The following DOCK3 variants were observed in gnomAD, a reference collection of about 807,000 sequenced individuals.
DOCK3 encodes the protein dedicator of cytokinesis protein 3.
Under a neutral mutation model 265.6 loss-of-function variants are expected in DOCK3, and 60 were observed. The ratio of observed to expected loss-of-function variants is 0.23; its 90% confidence interval spans 0.18 to 0.28. The LOEUF is 0.28. Ranked by LOEUF, DOCK3 falls within the 10% of genes least tolerant of loss-of-function variation. DOCK3 has a pLI of 1.00. For missense variants in DOCK3, 1,981 were observed against 2,594.3 expected, an observed-to-expected ratio of 0.76 and a Z score of 5.14; for synonymous variants, 881 against 938.0, an observed-to-expected ratio of 0.94 and a Z score of 1.11.
At chr3:51,032,650 A>G (rs2080098571) in intron 5 of DOCK3, among the ~76,000 whole-genome samples, 1 of 152,150 alleles carries the variant, frequency 6.6e-6, no homozygotes, top group African/African-American at 2.4e-5. Flanking sequence ...GCTAACATCT[A>G]TAATCACAGC....
chr3:50,839,322 T>C (rs552792800), intron 2 of DOCK3, among the ~76,000 whole-genome samples: 2 of 152,282 alleles, frequency 1.3e-5, no homozygotes, highest in South Asian at 4.1e-4. Flanking sequence ...TTTGTGTGGA[T>C]GTAAGTTTTC....
chr3:51,087,423 T>C (rs534396825), intron 7 of DOCK3, among the ~76,000 whole-genome samples: 1 of 152,294 alleles, frequency 6.6e-6, no homozygotes, highest in East Asian at 1.9e-4. Flanking sequence ...AAGCATTTGA[T>C]AAAATTTAAC....
chr3:51,342,319 T>G (rs2085294921), intron 38 of DOCK3, among the ~76,000 whole-genome samples: 1 of 152,232 alleles, frequency 6.6e-6, no homozygotes, highest in Non-Finnish European at 1.5e-5. Flanking sequence ...AGCAAGAACC[T>G]TTCCAAAAGC....
Position 50,942,731 on chromosome 3 carries a change from G to A in DOCK3, c.315+8654G>A, listed in dbSNP as rs1279363127. Among the ~76,000 whole-genome samples the A allele has an allele frequency of 3.4e-5, 5 of 146,944 alleles. No individual in the cohort carries two copies. In the South Asian group the frequency reaches 1.2e-3, roughly 36 times the overall value. On this transcript the variant is annotated intron_variant, in intron 5 of 52. Coordinates refer to ENST00000266037, the MANE Select transcript of DOCK3 (RefSeq NM_004947.5). The stretch of plus-strand genomic sequence containing the variant: ...TACTGTGAATGTGAATATTAAAGGA[G>A]AAGCAATTTTTTTTTGCTTTTGGAA...
intron 32 of DOCK3, among the ~76,000 whole-genome samples, chr3:51,323,775 C>G (rs765074714): frequency 6.6e-6 from 1 of 151,992 alleles, no homozygotes; most frequent in Non-Finnish European, 1.5e-5. Context: ...ATTAAAAAAA[C>G]TAGAGAAGCA....
chr3:50,820,017 A>T (rs1287537585), intron 2 of DOCK3, among the ~76,000 whole-genome samples: 1 of 152,148 alleles, frequency 6.6e-6, no homozygotes, highest in African/African-American at 2.4e-5. Flanking sequence ...AAGTTACAGT[A>T]TATGTCTGAA....
intron 9 of DOCK3, among the ~76,000 whole-genome samples, chr3:51,107,476 A>G (rs935209670): frequency 1.3e-5 from 2 of 152,220 alleles, no homozygotes; most frequent in Non-Finnish European, 2.9e-5. Context: ...AAAACAATAC[A>G]GGAGCTGACA....
chr3:50,980,098 A>G (rs1201138400), intron 5 of DOCK3, among the ~76,000 whole-genome samples: 2 of 152,116 alleles, frequency 1.3e-5, no homozygotes, highest in Non-Finnish European at 2.9e-5. Context: ...TGGATTTTTC[A>G]TGTATTGACT....
chr3:51,293,177 T>G (rs932286811), intron 27 of DOCK3, among the ~76,000 whole-genome samples: 3 of 152,084 alleles, frequency 2.0e-5, no homozygotes, highest in African/African-American at 7.2e-5. Flanking sequence ...AAAGCAACCT[T>G]GACCAAAAAG....
chr3:51,354,195 CT>C (rs2086198465), intron 40 of DOCK3, among the ~76,000 whole-genome samples: 1 of 150,770 alleles, frequency 6.6e-6, no homozygotes, highest in East Asian at 2.0e-4. Context: ...AAAAGTGATC[CT>C]TCAGAATCAC....
Position 50,756,182 on chromosome 3 carries a change from A to G in DOCK3, c.38-22493A>G, listed in dbSNP as rs558750049. Among the ~76,000 whole-genome samples, 28 of 152,288 alleles carry G rather than the reference A, an allele frequency of 1.8e-4. 1 individual carries two copies. In the South Asian group the frequency reaches 5.6e-3, roughly 30 times the overall value. On this transcript the variant is annotated intron_variant, in intron 1 of 52. Coordinates refer to ENST00000266037, the MANE Select transcript of DOCK3 (RefSeq NM_004947.5). The stretch of plus-strand genomic sequence containing the variant: ...GGAGGGCCACATGCACAGTGTGTTT[A>G]TGGAAGTTGTACACATGCTAATTTG...
At chr3:51,317,439 G>A (rs2083429326) in intron 32 of DOCK3, among the ~76,000 whole-genome samples, 2 of 151,144 alleles carry the variant, frequency 1.3e-5, no homozygotes, top group South Asian at 4.2e-4. Context: ...AATTAGCCAG[G>A]CGTGGTGCCA....
At chr3:51,278,169 T>A (rs1353701270) in intron 26 of DOCK3, 2 of 985,326 alleles carry the variant, frequency 2.0e-6, no homozygotes, top group African/African-American at 1.7e-5. Context: ...TTGGCTTCTA[T>A]CTACAAATTA....
At chr3:50,755,973 T>A (rs1179405608) in intron 1 of DOCK3, among the ~76,000 whole-genome samples, 1 of 152,174 alleles carries the variant, frequency 6.6e-6, no homozygotes. Context: ...TTAAAAAGTT[T>A]TAGAGCACAA....
intron 6 of DOCK3, among the ~76,000 whole-genome samples, chr3:51,068,346 C>G (rs1308103030): frequency 6.6e-6 from 1 of 151,924 alleles, no homozygotes; most frequent in Non-Finnish European, 1.5e-5. Context: ...CGAGACCATC[C>G]TGGCTAACAC....
chr3:51,120,421 T>C (rs1289943527), intron 9 of DOCK3, among the ~76,000 whole-genome samples: 2 of 152,168 alleles, frequency 1.3e-5, no homozygotes, highest in Admixed American at 6.5e-5. Context: ...GGGAGTTGTC[T>C]CCCTGTCAGG....
chr3:51,232,461 A>G (rs1449245449), intron 19 of DOCK3, among the ~76,000 whole-genome samples: 2 of 152,184 alleles, frequency 1.3e-5, no homozygotes, highest in African/African-American at 4.8e-5. Context: ...ACTGTTTTCC[A>G]TAGTGGTTGT....
chr3:51,306,153 A>C (rs1341507396), intron 27 of DOCK3, among the ~76,000 whole-genome samples: 2 of 151,864 alleles, frequency 1.3e-5, no homozygotes, highest in Non-Finnish European at 2.9e-5. Flanking sequence ...GACATGAGCC[A>C]CTGTGCTTTG....
At chr3:51,362,741 C>T in intron 49 of DOCK3, 67 bp downstream of exon 49, 12 of 1,564,454 alleles carry the variant, frequency 7.7e-6, no homozygotes, top group African/African-American at 2.7e-5. Flanking sequence ...ACTCGGCTTC[C>T]TCTCATCTGT....
Sources: gnomAD v4.1 joint callset for allele counts (sites outside exome capture counted in the v4.1 genomes callset) on GRCh38, gnomAD v4.1.1 for gene constraint, MANE v1.5 for transcripts, NCBI Gene and HGNC (gene_info 2026-07-23, HGNC 2026-07-21) for gene names.